The following RTN4 variants were observed in gnomAD, a reference collection of about 807,000 sequenced individuals.
RTN4 encodes reticulon-4.
Under a neutral mutation model 90.4 loss-of-function variants are expected in RTN4, and 32 were observed. That is an observed-to-expected ratio of 0.35 (90% CI 0.27 to 0.48). The LOEUF (loss-of-function observed/expected upper bound fraction) is 0.48. Among genes scored for constraint, RTN4 ranks in the 20% least tolerant of loss-of-function variants. The probability of loss-of-function intolerance (pLI) is 0.99; values close to 1 mark genes in which losing one functional copy is unlikely to be tolerated. For synonymous variants in RTN4, 629 were observed against 552.5 expected (o/e 1.14, Z -1.94); for missense variants, 1,706 against 1,430.2 (o/e 1.19, Z -3.11).
intron 1 of RTN4, among the ~76,000 whole-genome samples, chr2:55,028,988 G>A (rs991885999): frequency 1.3e-5 from 2 of 152,134 alleles, no homozygotes; most frequent in African/African-American, 2.4e-5. Context: ...TCATGTTAAA[G>A]CCCCAACCCC....
chr2:55,038,686 G>A (rs1331287528), intron 1 of RTN4, among the ~76,000 whole-genome samples: 1 of 152,166 alleles, frequency 6.6e-6, no homozygotes, highest in African/African-American at 2.4e-5. Flanking sequence ...GTGGTTGGGG[G>A]AACAGTTAAG....
chr2:55,068,796 T>C (rs1428912539), intron 2 of RTN4, among the ~76,000 whole-genome samples: 1 of 152,204 alleles, frequency 6.6e-6, no homozygotes, highest in Non-Finnish European at 1.5e-5. Context: ...GTACTTTCCA[T>C]TTTATCACAC....
At chr2:54,982,325 GAAAAAA>G (rs1299639444) in intron 5 of RTN4, among the ~76,000 whole-genome samples, 184 bp downstream of exon 5, 1 of 149,158 alleles carries the variant, frequency 6.7e-6, no homozygotes, top group African/African-American at 2.5e-5. Context: ...AGTATGACCA[GAAAAAA>G]AAAGGGAATA....
intron 1 of RTN4, among the ~76,000 whole-genome samples, chr2:55,093,901 G>A (rs1438534051): frequency 1.3e-5 from 2 of 152,166 alleles, no homozygotes; most frequent in African/African-American, 2.4e-5. Context: ...TTATAAGGAA[G>A]AGAATTTTCT....
chr2:55,049,202 GA>G, intron 1 of RTN4: 1 of 985,752 alleles, frequency 1.0e-6, no homozygotes, highest in African/African-American at 1.7e-5. Context: ...GGAGGAGGGG[GA>G]GGGGAAGCGC....
chr2:55,003,113 C>G (rs1271157285), intron 3 of RTN4, among the ~76,000 whole-genome samples: 2 of 152,092 alleles, frequency 1.3e-5, no homozygotes, highest in South Asian at 2.1e-4. Context: ...GCTTAATATA[C>G]TGGAGTTGGG....
chr2:55,031,017 T>C (rs1412485504), intron 1 of RTN4, among the ~76,000 whole-genome samples: 1 of 152,262 alleles, frequency 6.6e-6, no homozygotes, highest in East Asian at 1.9e-4. Context: ...TTCTCAAAAC[T>C]ACCCTGTAAG....
upstream of RTN4, among the ~76,000 whole-genome samples, chr2:55,114,337 T>C (rs1668086734): frequency 6.6e-6 from 1 of 152,202 alleles, no homozygotes. Context: ...AACTCACTTC[T>C]CTATGAAGGG....
At chr2:55,046,287 TA>T (rs2104963546) in intron 1 of RTN4, among the ~76,000 whole-genome samples, 1 of 152,370 alleles carries the variant, frequency 6.6e-6, no homozygotes, top group South Asian at 2.1e-4. Context: ...AGCATATTTT[TA>T]TTTTTTTAAA....
At chr2:55,043,782 A>T (rs1450644933) in intron 1 of RTN4, among the ~76,000 whole-genome samples, 1 of 152,152 alleles carries the variant, frequency 6.6e-6, no homozygotes, top group East Asian at 1.9e-4. Context: ...GCTACTCGGG[A>T]GGCTGAGGCA....
the RTN4 span, among the ~76,000 whole-genome samples, chr2:55,130,767 T>C: frequency 6.6e-6 from 1 of 152,148 alleles, no homozygotes; most frequent in South Asian, 2.1e-4. Context: ...AGAGGTAATT[T>C]GCCTGAGGTC....
At chr2:55,074,381 T>C (rs935578241) in intron 2 of RTN4, among the ~76,000 whole-genome samples, 1 of 151,980 alleles carries the variant, frequency 6.6e-6, no homozygotes, top group African/African-American at 2.4e-5. Flanking sequence ...CACACTCCTG[T>C]AGTCCTAGCT....
Position 55,050,156 on chromosome 2 carries a change from G to C in RTN4, c.145C>G (p.Leu49Val). Residue 49 changes from leucine (L) to valine (V), a missense_variant, in exon 1 of 9, where the codon CTG (leucine) becomes GTG (valine). By Grantham distance (32) the Leu-to-Val change is conservative (BLOSUM62 1). Transcript: ENST00000337526. This position sits in a 1 kb window ranked among gnomAD's most constrained non-coding sequence, Gnocchi z 4.6. The stretch of plus-strand genomic sequence containing the variant: ...CTCTCCAGCACCTCCAGCTCCTCCA[G>C]GTCTTCGTCCTCGTCCTCCTCTTCC... ...EEEEEDEDED[L>V]EELEVLERKP... 1 of 1,561,518 alleles carries C rather than the reference G, an allele frequency of 6.4e-7. No homozygotes were observed. Among genetic ancestry groups the C allele is most frequent in the Middle Eastern group, 1.7e-4 (1 of 5,944 alleles).
intron 1 of RTN4, among the ~76,000 whole-genome samples, chr2:55,101,100 CCAAA>C (rs903611559): frequency 6.6e-6 from 1 of 151,682 alleles, no homozygotes. Flanking sequence ...AAAACAAGCT[CCAAA>C]CAGTTTGTAT....
At chr2:55,064,351 T>TTTC (rs1402470347) in intron 2 of RTN4, among the ~76,000 whole-genome samples, 1 of 143,010 alleles carries the variant, frequency 7.0e-6, no homozygotes, top group Non-Finnish European at 1.6e-5. Flanking sequence ...CAAACATTCT[T>TTTC]TTTTTTTTTT....
At chr2:54,979,597 A>T (rs1677955742) in intron 5 of RTN4, among the ~76,000 whole-genome samples, 1 of 152,242 alleles carries the variant, frequency 6.6e-6, no homozygotes, top group Non-Finnish European at 1.5e-5. Flanking sequence ...ATACAATGAC[A>T]TTAGGAAAGG....
intron 2 of RTN4, chr2:55,060,588 T>G (rs1013812823): frequency 6.6e-6 from 1 of 152,240 alleles, no homozygotes; most frequent in Non-Finnish European, 1.5e-5. Flanking sequence ...GCACAATCCT[T>G]GCCCTCATGC....
In RTN4 at chr2:55,110,240, G is replaced by A. The variant is rs146148036; in HGVS notation, c.-214+2280C>T. ...GTGGGAGGATTGCTTGAGCCTGGGA[G>A]GCAGAGGTTGCAGTGAGCCGAGTTT... is the stretch of plus-strand genomic sequence containing the variant. On this transcript the variant is annotated intron_variant, in intron 1 of 3. Transcript: ENST00000427710. Among the ~76,000 whole-genome samples, 762 of 151,240 alleles carry A rather than the reference G, an allele frequency of 5.0e-3. 8 individuals are homozygous for A. The highest frequency in any genetic ancestry group is 8.4e-3 in the Non-Finnish European group (571 of 67,926).
At chr2:55,008,826 T>G (rs367700523) in intron 3 of RTN4, among the ~76,000 whole-genome samples, 1 of 152,156 alleles carries the variant, frequency 6.6e-6, no homozygotes, top group East Asian at 1.9e-4. Flanking sequence ...AAGGCCTGTA[T>G]TTATTGTATT....
Sources: allele counts gnomAD v4.1 joint callset (sites outside exome capture counted in the v4.1 genomes callset), GRCh38; gene constraint gnomAD v4.1.1; non-coding constraint Gnocchi (gnomAD v3.1); transcripts MANE v1.5; gene names NCBI Gene and HGNC (gene_info 2026-07-23, HGNC 2026-07-21).